ARHGEF10: variants seen among roughly 807,000 people sequenced by gnomAD.
ARHGEF10 encodes Rho guanine nucleotide exchange factor (GEF) 10.
In ARHGEF10, 140 loss-of-function variants were observed where a neutral mutation model predicts 147.4. The ratio of observed to expected loss-of-function variants is 0.95; its 90% CI spans 0.83 to 1.09. The LOEUF is 1.09. Ranked by LOEUF, ARHGEF10 falls within the 50% of genes least tolerant of loss-of-function variation. ARHGEF10 has a pLI of 0.00. For missense variants in ARHGEF10, 2,222 were observed against 1,752.7 expected (o/e 1.27, Z -4.78); for synonymous variants, 902 against 695.8 (o/e 1.30, Z -4.67).
chr8:1,858,392 A>G (rs1410681503), intron 3 of ARHGEF10, among the ~76,000 whole-genome samples: 4 of 152,208 alleles, frequency 2.6e-5, no homozygotes, highest in Non-Finnish European at 4.4e-5. Context: ...TCTAGGAGCC[A>G]GAGAGTTATG....
chr8:1,891,407 G>C (rs142156256), intron 11 of ARHGEF10, among the ~76,000 whole-genome samples: 163 of 152,252 alleles, frequency 1.1e-3, no homozygotes, highest in African/African-American at 3.7e-3. Context: ...TGCCTAATTT[G>C]GGGGTGGAAA....
At chr8:1,839,684 TG>T (rs1803845426) in intron 1 of ARHGEF10, among the ~76,000 whole-genome samples, 1 of 105,892 alleles carries the variant, frequency 9.4e-6, no homozygotes, top group Non-Finnish European at 1.9e-5. Context: ...GAAACTGGTG[TG>T]GGGACTGTCC....
chr8:1,915,288 C>A (rs1811674494), intron 18 of ARHGEF10, among the ~76,000 whole-genome samples: 1 of 152,214 alleles, frequency 6.6e-6, no homozygotes. Context: ...AAAATGGCAT[C>A]TGAAGTGAAT....
intron 4 of ARHGEF10, among the ~76,000 whole-genome samples, chr8:1,860,610 G>A (rs896503386): frequency 1.3e-5 from 2 of 152,198 alleles, no homozygotes; most frequent in African/African-American, 4.8e-5. Flanking sequence ...ACACCACTGA[G>A]GGAAGGCCAG....
chr8:1,833,971 G>C (rs1803427524), intron 1 of ARHGEF10, among the ~76,000 whole-genome samples: 1 of 152,170 alleles, frequency 6.6e-6, no homozygotes, highest in South Asian at 2.1e-4. Context: ...GGGGGCACTA[G>C]AGGAGAGGAG....
intron 1 of ARHGEF10, among the ~76,000 whole-genome samples, chr8:1,840,358 GAAGCT>G (rs1803924797): frequency 2.9e-5 from 4 of 139,362 alleles, no homozygotes; most frequent in African/African-American, 1.1e-4. Flanking sequence ...GTCTGGTGTG[GAAGCT>G]GTCCGATATG....
At chr8:1,901,685 C>T (rs1436843687) in intron 15 of ARHGEF10, among the ~76,000 whole-genome samples, 1 of 152,268 alleles carries the variant, frequency 6.6e-6, no homozygotes, top group Non-Finnish European at 1.5e-5. Context: ...GGACTCCACC[C>T]TGTGCTGGCT....
At chr8:1,894,319 C>T (rs1481000895) in intron 12 of ARHGEF10, 74 bp from the exon 13 acceptor site, 4 of 1,530,684 alleles carry the variant, frequency 2.6e-6, no homozygotes, top group Non-Finnish European at 3.6e-6. Flanking sequence ...CACTGCGCTG[C>T]ACCCTGGACA....
intron 7 of ARHGEF10, among the ~76,000 whole-genome samples, chr8:1,873,696 G>C (rs1204782294): frequency 2.1e-5 from 3 of 145,590 alleles, no homozygotes; most frequent in African/African-American, 7.6e-5. Context: ...TCATTGAGCG[G>C]TGCCCGCGGG....
intron 9 of ARHGEF10, among the ~76,000 whole-genome samples, chr8:1,881,634 C>T (rs932813480): frequency 2.0e-5 from 3 of 152,092 alleles, no homozygotes; most frequent in East Asian, 1.9e-4. Flanking sequence ...GGTGTGAGGC[C>T]GTGCGTGTTG....
In ARHGEF10 at chr8:1,843,281, G is replaced by A. The variant is rs925027633; in HGVS notation, c.-47-72G>A. 1.6e-5 allele frequency: 19 copies of A among 1,217,424 alleles called. No individual in the cohort carries two copies. In the East Asian group the frequency reaches 2.0e-4, roughly 13 times the overall value. 75.4% of individuals were successfully genotyped at this position (1,217,424 alleles called of 1,614,324 possible). A position where few individuals can be genotyped will look rare whatever the true frequency, so the allele number is the denominator to read the frequency against. ...CTTCCTTTTTGCGGGGTTCTCTGTC[G>A]ACAGCCCTACACCTATTGAGTGCAT... is the stretch of plus-strand genomic sequence containing the variant. On this transcript the variant is annotated intron_variant, in intron 1 of 28. Coordinates refer to ENST00000349830, the MANE Select transcript of ARHGEF10 (RefSeq NM_014629.4).
chr8:1,878,663 G>A (rs2129116126), intron 8 of ARHGEF10, among the ~76,000 whole-genome samples: 1 of 152,266 alleles, frequency 6.6e-6, no homozygotes, highest in Admixed American at 6.5e-5. Context: ...CTTCATGGTG[G>A]GCTGTGGACA....
intron 2 of ARHGEF10, among the ~76,000 whole-genome samples, chr8:1,853,032 C>T (rs988110168): frequency 2.4e-4 from 37 of 152,062 alleles, no homozygotes; most frequent in African/African-American, 8.5e-4. Flanking sequence ...AGAATGGTCC[C>T]CAGGTTAGAT....
Position 1,945,499 on chromosome 8 carries a change from C to A in ARHGEF10, c.3241C>A (p.Gln1081Lys), listed in dbSNP as rs758128336. Residue 1081 changes from glutamine (Q) to lysine (K), a missense_variant, in exon 27 of 29, where the codon CAG becomes AAG. Physicochemically the swap from Gln to Lys is moderately conservative, Grantham distance 53. Transcript: ENST00000349830. ...TTCACAGGGTCAGCTGGAGGCCCAC[C>A]AGGAGGAAGGCATGGTGATCTCCCA... ...HAVEGQLEAH[Q>K]EEGMVISHMA... 6.2e-7 allele frequency: 1 copy of A among 1,607,418 alleles called. No homozygotes were observed. Among genetic ancestry groups the A allele is most frequent in the South Asian group, 1.1e-5 (1 of 90,064 alleles).
chr8:1,906,455 G>T (rs971195346), intron 17 of ARHGEF10, among the ~76,000 whole-genome samples: 1 of 152,164 alleles, frequency 6.6e-6, no homozygotes. Context: ...TGTGTTAGGA[G>T]CCTGTCCTCC....
chr8:1,880,306 G>A (rs948408217), intron 9 of ARHGEF10, 142 bp downstream of exon 9: 3 of 687,256 alleles, frequency 4.4e-6, no homozygotes, highest in Non-Finnish European at 7.9e-6. Flanking sequence ...ACGCTTTGGG[G>A]CTCACGTGGA....
Position 1,923,013 on chromosome 8 carries a change from G to A in ARHGEF10, c.2193G>A (p.Leu731=), listed in dbSNP as rs1457260700. The change falls in exon 19 of 29, where the codon TTG becomes TTA. Residue 731 remains leucine (L), a synonymous_variant. Transcript: ENST00000349830. ...PGQLYQDLQN[L]LHDLNVIGQI... is the part of the protein sequence containing the mutation. ...AACTGTATCAAGATTTACAAAACTT[G>A]TTGCATGACTTAAATGTAATTGGCC... is the stretch of plus-strand genomic sequence containing the variant. The A allele has an allele frequency of 6.2e-7, 1 of 1,613,526 alleles. No homozygotes were observed. Among genetic ancestry groups the A allele is most frequent in the Non-Finnish European group, 8.5e-7 (1 of 1,179,938 alleles).
chr8:1,839,343 A>AAG (rs1803804181), intron 1 of ARHGEF10, among the ~76,000 whole-genome samples: 1 of 85,302 alleles, frequency 1.2e-5, no homozygotes, highest in Non-Finnish European at 2.3e-5. Flanking sequence ...TGGTGTAGGG[A>AAG]CTGTCTGGTG....
At chr8:1,860,257 T>A in intron 4 of ARHGEF10, 73 bp downstream of exon 4, 1 of 1,502,974 alleles carries the variant, frequency 6.7e-7, no homozygotes, top group South Asian at 1.1e-5. Flanking sequence ...CGAAGTGGCC[T>A]GTGGTTCCCT....
Sources: allele counts gnomAD v4.1 joint callset (sites outside exome capture counted in the v4.1 genomes callset), GRCh38; gene constraint gnomAD v4.1.1; transcripts MANE v1.5; gene names NCBI Gene and HGNC (gene_info 2026-07-23, HGNC 2026-07-21).